The following TANGO2 variants were observed in gnomAD, a reference collection of about 807,000 sequenced individuals.
TANGO2 encodes transport and golgi organization 2 homolog.
Under a neutral mutation model 39.1 loss-of-function variants are expected in TANGO2, and 26 were observed. The observed-to-expected ratio is 0.67, with a 90% CI of 0.49 to 0.92. The LOEUF is 0.92. TANGO2 is among the 40% of genes least tolerant of loss of function. The probability of loss-of-function intolerance (pLI) is 0.00; values close to 1 mark genes in which losing one functional copy is unlikely to be tolerated. For missense variants in TANGO2, 326 were observed against 360.1 expected (o/e 0.91, Z 0.77); for synonymous variants, 131 against 144.5 (o/e 0.91, Z 0.67).
At chr22:20,038,791 C>T (rs2043330379) in intron 2 of TANGO2, among the ~76,000 whole-genome samples, 1 of 152,110 alleles carries the variant, frequency 6.6e-6, no homozygotes, top group Middle Eastern at 3.2e-3. Context: ...AGGCTGGGAG[C>T]ACAGACACTT....
intron 2 of TANGO2, among the ~76,000 whole-genome samples, chr22:20,041,668 G>C (rs2043967018): frequency 6.6e-6 from 1 of 152,062 alleles, no homozygotes; most frequent in Non-Finnish European, 1.5e-5. Flanking sequence ...GGCTGGTCTT[G>C]AACTCCTGAC....
intron 1 of TANGO2, among the ~76,000 whole-genome samples, chr22:20,023,318 A>T (rs961077191): frequency 1.3e-5 from 2 of 151,066 alleles, no homozygotes; most frequent in African/African-American, 4.9e-5. Context: ...TTTACTAACC[A>T]CTCAGGCCGC....
chr22:20,056,539 G>T (rs1469950643), intron 6 of TANGO2: 2 of 456,608 alleles, frequency 4.4e-6, no homozygotes, highest in Non-Finnish European at 8.8e-6. Context: ...TCCTGCCCTG[G>T]CTCTGCACCA....
intron 5 of TANGO2, chr22:20,054,018 A>G: frequency 3.1e-6 from 1 of 321,452 alleles, no homozygotes; most frequent in Non-Finnish European, 6.1e-6. Context: ...TCCCCCTCCA[A>G]AGCCCCAGAA....
intron 2 of TANGO2, among the ~76,000 whole-genome samples, chr22:20,041,458 G>A (rs1328764808): frequency 3.9e-5 from 6 of 151,916 alleles, no homozygotes; most frequent in East Asian, 1.9e-4. Flanking sequence ...GACTACAGGC[G>A]CCCGCCACCA....
chr22:20,029,296 C>T (rs181826197), intron 1 of TANGO2, among the ~76,000 whole-genome samples: 69 of 152,266 alleles, frequency 4.5e-4, no homozygotes, highest in Admixed American at 1.2e-3. Context: ...AGAAGGTGGG[C>T]AGAGAGGACG....
intron 3 of TANGO2, among the ~76,000 whole-genome samples, chr22:20,049,333 C>G (rs1008236148): frequency 6.6e-6 from 1 of 152,142 alleles, no homozygotes; most frequent in African/African-American, 2.4e-5. Context: ...ATGCCAACAC[C>G]ATGCAGTCTA....
intron 3 of TANGO2, among the ~76,000 whole-genome samples, chr22:20,045,618 T>A (rs540621722): frequency 1.3e-5 from 2 of 151,410 alleles, no homozygotes; most frequent in East Asian, 3.9e-4. Flanking sequence ...GTTCTCCTGC[T>A]TCAGCCTTCC....
intron 1 of TANGO2, among the ~76,000 whole-genome samples, chr22:20,030,924 G>A (rs187944214): frequency 1.6e-4 from 24 of 152,212 alleles, no homozygotes; most frequent in African/African-American, 5.8e-4. Flanking sequence ...TTAGGGCCAG[G>A]CGTGGTGGCT....
chr22:20,018,777 G>C (rs1020743293), upstream of TANGO2, among the ~76,000 whole-genome samples: 9 of 152,112 alleles, frequency 5.9e-5, no homozygotes, highest in South Asian at 2.1e-4. Flanking sequence ...TGCAGCCAGG[G>C]GTCAGAAACA....
chr22:20,028,064 G>A (rs1286427338), intron 1 of TANGO2, among the ~76,000 whole-genome samples: 1 of 152,158 alleles, frequency 6.6e-6, no homozygotes, highest in Admixed American at 6.5e-5. Flanking sequence ...CTCCCAAAGT[G>A]CAGGGATTAC....
intron 2 of TANGO2, among the ~76,000 whole-genome samples, chr22:20,039,394 T>C (rs393947): frequency 0.42 from 62,671 of 150,382 alleles, 13,547 homozygotes; most frequent in East Asian, 0.71. Flanking sequence ...TTTGGGAGGC[T>C]GAGGTGGGTG....
upstream of TANGO2, chr22:20,020,999 C>T (rs1366498465): frequency 1.3e-5 from 2 of 151,888 alleles, no homozygotes; most frequent in African/African-American, 4.8e-5. Flanking sequence ...AACGGGACGC[C>T]GGCATGCGGC....
upstream of TANGO2, among the ~76,000 whole-genome samples, chr22:20,020,779 G>A (rs998041743): frequency 2.6e-5 from 4 of 152,136 alleles, no homozygotes; most frequent in African/African-American, 7.2e-5. Flanking sequence ...GAGGCCGCAG[G>A]GTGAGCAGGT....
intron 2 of TANGO2, chr22:20,037,109 T>G (rs564111332): frequency 6.6e-7 from 1 of 1,515,116 alleles, no homozygotes; most frequent in African/African-American, 1.4e-5. Flanking sequence ...GACAGAGGAG[T>G]GACATGGGTC....
intron 3 of TANGO2, among the ~76,000 whole-genome samples, chr22:20,047,107 A>G (rs2045362890): frequency 6.6e-6 from 1 of 152,212 alleles, no homozygotes; most frequent in African/African-American, 2.4e-5. Flanking sequence ...CAAAGGAACT[A>G]ATAGAGCTAG....
chr22:20,064,976 A>C lies in TANGO2; in HGVS notation c.*314A>C. The C allele has an allele frequency of 3.1e-6, 1 of 317,476 alleles. No homozygotes were observed. Among genetic ancestry groups the C allele is most frequent in the East Asian group, 6.2e-5 (1 of 16,196 alleles). The allele number at this position is 317,476 out of a possible 1,614,324, so 19.7% of individuals were successfully genotyped here. The stretch of plus-strand genomic sequence containing the variant: ...AGGCACTCACATGGCACACACATAC[A>C]CTCCTGCGTGTGCACAAGCACACAC... On this transcript the variant is annotated 3_prime_UTR_variant, in exon 9 of 9. Coordinates refer to ENST00000327374, the MANE Select transcript of TANGO2 (RefSeq NM_152906.7).
At chr22:20,037,229 A>G in intron 2 of TANGO2, 2 of 1,058,600 alleles carry the variant, frequency 1.9e-6, no homozygotes, top group Non-Finnish European at 2.7e-6. Flanking sequence ...GCTGCTGGTG[A>G]GAAGTCAAAG....
intron 1 of TANGO2, among the ~76,000 whole-genome samples, chr22:20,034,194 AAAC>A (rs137994200): frequency 1.8e-5 from 1 of 56,946 alleles, no homozygotes; most frequent in South Asian, 3.9e-4. Flanking sequence ...AGCAAAAACA[AAAC>A]AACAACAACA....
Sources: gnomAD v4.1 joint callset for allele counts (sites outside exome capture counted in the v4.1 genomes callset) on GRCh38, gnomAD v4.1.1 for gene constraint, MANE v1.5 for transcripts, NCBI Gene and HGNC (gene_info 2026-07-23, HGNC 2026-07-21) for gene names.